The following UCK2 variants were observed in gnomAD, a reference collection of about 807,000 sequenced individuals.
The protein encoded by UCK2 is uridine-cytidine kinase 2.
UCK2 carries 6 observed loss-of-function variants against 30.8 expected under a neutral mutation model. The observed-to-expected ratio is 0.19, with a 90% CI of 0.11 to 0.38. UCK2 has a LOEUF of 0.38. Among genes scored for constraint, UCK2 ranks in the 10% least tolerant of loss-of-function variants. The pLI, the probability that UCK2 is intolerant of heterozygous loss-of-function variation, is 1.00. For missense variants in UCK2, 210 were observed against 339.8 expected (o/e 0.62, Z 3.00); for synonymous variants, 125 against 133.6 (o/e 0.94, Z 0.45).
chr1:165,856,406 ATT>A (rs34440554), intron 1 of UCK2, among the ~76,000 whole-genome samples: 8 of 136,074 alleles, frequency 5.9e-5, no homozygotes, highest in Admixed American at 2.3e-4. Context: ...GTATTAGGTG[ATT>A]TTTTTTTTTT....
At chr1:165,889,963 T>C (rs1029615778) in intron 1 of UCK2, among the ~76,000 whole-genome samples, 3 of 152,126 alleles carry the variant, frequency 2.0e-5, no homozygotes, top group African/African-American at 7.2e-5. Context: ...TGTTCCTGTG[T>C]TAGTTTGCTA....
At chr1:165,861,400 G>A (rs1405445212) in intron 1 of UCK2, among the ~76,000 whole-genome samples, 11 of 151,814 alleles carry the variant, frequency 7.2e-5, no homozygotes, top group Non-Finnish European at 1.0e-4. Flanking sequence ...AGGCCGAGGC[G>A]GGCGGATCAC....
chr1:165,873,395 A>G (rs1249315650), intron 1 of UCK2, among the ~76,000 whole-genome samples: 1 of 152,224 alleles, frequency 6.6e-6, no homozygotes, highest in Non-Finnish European at 1.5e-5. Flanking sequence ...ATGCTTGCCA[A>G]AATGGTAGCT....
At chr1:165,844,939 T>C (rs1417164495) in intron 1 of UCK2, among the ~76,000 whole-genome samples, 3 of 152,210 alleles carry the variant, frequency 2.0e-5, no homozygotes, top group East Asian at 3.8e-4. Flanking sequence ...TATAATAAAT[T>C]GTTCCCTTTA....
At chr1:165,870,598 C>T (rs1421113376) in intron 1 of UCK2, among the ~76,000 whole-genome samples, 1 of 152,176 alleles carries the variant, frequency 6.6e-6, no homozygotes, top group African/African-American at 2.4e-5. Flanking sequence ...AGATTCAAGC[C>T]TCTTGCTCCA....
intron 1 of UCK2, among the ~76,000 whole-genome samples, chr1:165,867,995 T>C (rs1446140630): frequency 6.6e-6 from 1 of 152,190 alleles, no homozygotes; most frequent in African/African-American, 2.4e-5. Flanking sequence ...AAAGTCAAAA[T>C]CACTCTGATC....
chr1:165,845,341 C>G (rs897482989), intron 1 of UCK2, among the ~76,000 whole-genome samples: 1 of 152,132 alleles, frequency 6.6e-6, no homozygotes, highest in Non-Finnish European at 1.5e-5. Flanking sequence ...GCGCACTCTT[C>G]CTCAGAGGTT....
At chr1:165,841,074 T>TA (rs1654317038) in intron 1 of UCK2, among the ~76,000 whole-genome samples, 1 of 147,674 alleles carries the variant, frequency 6.8e-6, no homozygotes, top group South Asian at 2.2e-4. Context: ...GTACAGGAGA[T>TA]ATATATTTGT....
chr1:165,843,280 T>G (rs1654374619), intron 1 of UCK2, among the ~76,000 whole-genome samples: 1 of 152,178 alleles, frequency 6.6e-6, no homozygotes, highest in South Asian at 2.1e-4. Context: ...ATCTGGGTCT[T>G]TTTTGTTTCT....
chr1:165,891,064 A>G (rs775567478), intron 2 of UCK2, 162 bp from the exon 3 acceptor site: 15 of 617,854 alleles, frequency 2.4e-5, no homozygotes, highest in Non-Finnish European at 3.8e-5. Context: ...TACAGGGAGC[A>G]TCCATTCTGC....
intron 4 of UCK2, chr1:165,900,230 A>G (rs543344611): frequency 2.0e-5 from 3 of 152,224 alleles, no homozygotes; most frequent in Non-Finnish European, 4.4e-5. Flanking sequence ...CTGCCCTCCC[A>G]ACGCGTCCTC....
At chr1:165,858,178 A>G (rs568172001) in intron 1 of UCK2, among the ~76,000 whole-genome samples, 1 of 152,240 alleles carries the variant, frequency 6.6e-6, no homozygotes, top group South Asian at 2.1e-4. Context: ...GATGCATCTT[A>G]AAGATTGATA....
intron 4 of UCK2, chr1:165,902,592 A>ATGTTTTTTTTTTTTTTT (rs1647514196): frequency 4.4e-5 from 2 of 45,756 alleles, no homozygotes; most frequent in Non-Finnish European, 3.8e-5. Context: ...TCACTGAGTG[A>ATGTTTTTTTTTTTTTTT]TTTTTTTTTT....
At chr1:165,842,416 A>C (rs1654352504) in intron 1 of UCK2, among the ~76,000 whole-genome samples, 2 of 152,284 alleles carry the variant, frequency 1.3e-5, no homozygotes, top group African/African-American at 4.8e-5. Context: ...TGAGACCCCT[A>C]ACAATACCTG....
At chr1:165,899,349 C>G (rs376638919) in intron 4 of UCK2, among the ~76,000 whole-genome samples, 14 of 152,278 alleles carry the variant, frequency 9.2e-5, no homozygotes, top group African/African-American at 3.1e-4. Context: ...CAGGGAGATT[C>G]AGGATGGCTG....
intron 2 of UCK2, 184 bp from the exon 3 acceptor site, chr1:165,891,042 C>A: frequency 1.7e-6 from 1 of 574,532 alleles, no homozygotes; most frequent in Non-Finnish European, 3.2e-6. Context: ...ATTTATACAC[C>A]CTATTTTGAG....
chr1:165,896,444 G>A (rs901204225), intron 4 of UCK2, 112 bp downstream of exon 4: 1 of 1,284,672 alleles, frequency 7.8e-7, no homozygotes, highest in Non-Finnish European at 1.1e-6. Flanking sequence ...TGCCTTCCCT[G>A]AGGCAGCTGT....
chr1:165,880,562 TGGGG>T (rs60967216), intron 1 of UCK2, among the ~76,000 whole-genome samples: 58 of 115,842 alleles, frequency 5.0e-4, no homozygotes, highest in Middle Eastern at 5.0e-3. Flanking sequence ...CAGTTTTTTT[TGGGG>T]GTGTGTGTGT....
intron 1 of UCK2, among the ~76,000 whole-genome samples, chr1:165,851,524 G>T (rs1654595030): frequency 6.6e-6 from 1 of 152,050 alleles, no homozygotes; most frequent in Non-Finnish European, 1.5e-5. Context: ...TAAAGCTACT[G>T]TTGCTACTCT....
Sources: gnomAD v4.1 joint callset for allele counts (sites outside exome capture counted in the v4.1 genomes callset) on GRCh38, gnomAD v4.1.1 for gene constraint, MANE v1.5 for transcripts, NCBI Gene and HGNC (gene_info 2026-07-23, HGNC 2026-07-21) for gene names.